The following ALK variants were observed in gnomAD, a reference collection of about 807,000 sequenced individuals.
The protein encoded by ALK is ALK receptor tyrosine kinase, also known as ALK tyrosine kinase receptor.
A neutral mutation model predicts 163.1 loss-of-function variants in ALK; 74 were observed. That is an observed-to-expected ratio of 0.45 (90% CI 0.38 to 0.55). ALK has a LOEUF of 0.55. Ranked by LOEUF, ALK falls within the 20% of genes least tolerant of loss-of-function variation. ALK has a pLI of 0.00. For missense variants in ALK, 2,063 were observed against 2,105.3 expected, an observed-to-expected ratio of 0.98 and a Z score of 0.39; for synonymous variants, 960 against 843.2, an observed-to-expected ratio of 1.14 and a Z score of -2.40.
intron 1 of ALK, among the ~76,000 whole-genome samples, chr2:29,743,958 G>T (rs1680134146): frequency 6.6e-6 from 1 of 151,526 alleles, no homozygotes; most frequent in Non-Finnish European, 1.5e-5. Context: ...AAAAAAAAAT[G>T]CTTAGACCAT....
chr2:29,588,479 C>T (rs1674955396), intron 3 of ALK, among the ~76,000 whole-genome samples: 1 of 152,170 alleles, frequency 6.6e-6, no homozygotes, highest in African/African-American at 2.4e-5. Flanking sequence ...GATCCACCCT[C>T]CTTGGCCTCC....
intron 1 of ALK, among the ~76,000 whole-genome samples, chr2:29,733,831 G>C (rs1679815146): frequency 6.6e-6 from 1 of 152,112 alleles, no homozygotes; most frequent in Non-Finnish European, 1.5e-5. Context: ...GGTTTTCAGG[G>C]CTGTGCAGGC....
chr2:29,861,742 A>G (rs923053084), intron 1 of ALK, among the ~76,000 whole-genome samples: 1 of 152,210 alleles, frequency 6.6e-6, no homozygotes, highest in African/African-American at 2.4e-5. Context: ...AACTCTTCCA[A>G]ATAAATTGAA....
chr2:29,707,763 C>G (rs542231239), intron 2 of ALK, among the ~76,000 whole-genome samples: 2 of 152,290 alleles, frequency 1.3e-5, no homozygotes, highest in South Asian at 2.1e-4. Context: ...AGGCTTAGAG[C>G]AAATGGAGCC....
At chr2:29,582,129 A>C (rs956009731) in intron 3 of ALK, among the ~76,000 whole-genome samples, 1 of 152,230 alleles carries the variant, frequency 6.6e-6, no homozygotes, top group Non-Finnish European at 1.5e-5. Flanking sequence ...CTCAGTCTTC[A>C]TGAGAAGGGA....
At chr2:29,233,438 A>T (rs1664274797) in intron 14 of ALK, 127 bp downstream of exon 14, 1 of 1,387,896 alleles carries the variant, frequency 7.2e-7, no homozygotes, top group Non-Finnish European at 1.0e-6. Context: ...GAGCCACTGT[A>T]CCTGGCCCTG....
At chr2:29,632,064 TG>T (rs1433983863) in intron 3 of ALK, among the ~76,000 whole-genome samples, 1 of 152,232 alleles carries the variant, frequency 6.6e-6, no homozygotes, top group Non-Finnish European at 1.5e-5. Context: ...AGACAGGATG[TG>T]GGTCCGGATT....
At chr2:29,902,601 C>T (rs1210248107) in intron 1 of ALK, among the ~76,000 whole-genome samples, 1 of 152,220 alleles carries the variant, frequency 6.6e-6, no homozygotes, top group Admixed American at 6.5e-5. Context: ...TCCAACTGTA[C>T]TTACCGACAT....
chr2:29,278,796 G>A (rs948786854), intron 9 of ALK, among the ~76,000 whole-genome samples: 13 of 152,302 alleles, frequency 8.5e-5, no homozygotes, highest in African/African-American at 2.2e-4. Flanking sequence ...TGCCTGGCTC[G>A]CCTGCACATC....
At chr2:29,555,560 C>T (rs1176102912) in intron 3 of ALK, among the ~76,000 whole-genome samples, 1 of 152,220 alleles carries the variant, frequency 6.6e-6, no homozygotes, top group East Asian at 1.9e-4. Flanking sequence ...CCCTGCCCTC[C>T]ACCTTTCTCT....
At chr2:29,835,785 TTTGCCTGGCTCTCGTTCTTAC>T (rs1452071969) in intron 1 of ALK, among the ~76,000 whole-genome samples, 27 of 152,320 alleles carry the variant, frequency 1.8e-4, no homozygotes, top group African/African-American at 6.5e-4. Context: ...GGAAACCCCC[TTTGCCTGGCTCTCGTTCTTAC>T]TTGTCTGCCT....
intron 3 of ALK, among the ~76,000 whole-genome samples, chr2:29,632,419 T>C (rs183114344): frequency 2.0e-5 from 3 of 152,264 alleles, no homozygotes; most frequent in Non-Finnish European, 2.9e-5. Flanking sequence ...AAGATAAATA[T>C]GGTTAAATTT....
chr2:29,756,169 G>C (rs1014229782), intron 1 of ALK, among the ~76,000 whole-genome samples: 1 of 152,204 alleles, frequency 6.6e-6, no homozygotes, highest in African/African-American at 2.4e-5. Flanking sequence ...AGTTCCCTTG[G>C]ACTACAATTC....
chr2:29,462,983 A>C (rs1352330671), intron 4 of ALK, among the ~76,000 whole-genome samples: 1 of 152,190 alleles, frequency 6.6e-6, no homozygotes, highest in East Asian at 1.9e-4. Context: ...TGATGATCCA[A>C]ATCCTATAAA....
chr2:29,594,521 C>G (rs527668131), intron 3 of ALK, among the ~76,000 whole-genome samples: 1 of 151,192 alleles, frequency 6.6e-6, no homozygotes, highest in Non-Finnish European at 1.5e-5. Context: ...CTCTGCCTCC[C>G]GGGTTCAAGC....
intron 3 of ALK, among the ~76,000 whole-genome samples, chr2:29,689,725 G>A (rs1016192712): frequency 6.6e-6 from 1 of 152,188 alleles, no homozygotes; most frequent in Admixed American, 6.5e-5. Flanking sequence ...TGAAAATAGA[G>A]TATTTGCAGA....
intron 5 of ALK, among the ~76,000 whole-genome samples, chr2:29,365,218 T>C (rs1446082394): frequency 6.6e-6 from 1 of 152,186 alleles, no homozygotes; most frequent in African/African-American, 2.4e-5. Context: ...TTACTTAAAA[T>C]AAAATTGTTT....
chr2:29,900,268 C>G (rs1667378917), intron 1 of ALK, among the ~76,000 whole-genome samples: 1 of 152,214 alleles, frequency 6.6e-6, no homozygotes, highest in South Asian at 2.1e-4. Context: ...GGGGTACCAC[C>G]TGAGCAGTGT....
intron 4 of ALK, among the ~76,000 whole-genome samples, chr2:29,415,722 T>C (rs1430429779): frequency 6.6e-6 from 1 of 152,210 alleles, no homozygotes; most frequent in East Asian, 1.9e-4. Context: ...TTTGAATCAG[T>C]AGACTGAGTA....
Sources: allele counts gnomAD v4.1 joint callset (sites outside exome capture counted in the v4.1 genomes callset), GRCh38; gene constraint gnomAD v4.1.1; transcripts MANE v1.5; gene names NCBI Gene and HGNC (gene_info 2026-07-23, HGNC 2026-07-21).